Variants in QTMAN observed in about 807,000 individuals in gnomAD.
The protein encoded by QTMAN is queuosine-tRNA mannosyltransferase.
chr2:144,181,283 ATAAAT>A, the QTMAN span, among the ~76,000 whole-genome samples: 1 of 152,234 alleles, frequency 6.6e-6, no homozygotes, highest in African/African-American at 2.4e-5. Flanking sequence ...GAATTATTTA[ATAAAT>A]TAAAGACAAC....
the QTMAN span, among the ~76,000 whole-genome samples, chr2:144,061,295 T>C: frequency 6.6e-6 from 1 of 152,218 alleles, no homozygotes; most frequent in Non-Finnish European, 1.5e-5. Context: ...TTTCCATCAA[T>C]GTATGAAAAT....
chr2:144,316,171 T>C, the QTMAN span, among the ~76,000 whole-genome samples: 8 of 152,002 alleles, frequency 5.3e-5, no homozygotes, highest in African/African-American at 1.7e-4. Flanking sequence ...AGCTCAGAGG[T>C]TGAGGCTGCA....
chr2:144,188,386 G>T, the QTMAN span, among the ~76,000 whole-genome samples: 1 of 152,056 alleles, frequency 6.6e-6, no homozygotes, highest in East Asian at 1.9e-4. Flanking sequence ...TTTGAAAATA[G>T]AGAAACCAAC....
At chr2:144,202,709 T>C in the QTMAN span, among the ~76,000 whole-genome samples, 3 of 152,196 alleles carry the variant, frequency 2.0e-5, no homozygotes, top group Non-Finnish European at 4.4e-5. Context: ...CAGCTTGTCT[T>C]TTAAAACACA....
the QTMAN span, among the ~76,000 whole-genome samples, chr2:144,014,131 G>A: frequency 0.045 from 6,800 of 152,134 alleles, 254 homozygotes; most frequent in East Asian, 0.17. Flanking sequence ...TTGGCTGGTC[G>A]GCTGCAGTAT....
At chr2:144,057,825 C>A in the QTMAN span, among the ~76,000 whole-genome samples, 1 of 152,114 alleles carries the variant, frequency 6.6e-6, no homozygotes, top group East Asian at 1.9e-4. Flanking sequence ...TAACCAGGAT[C>A]CAGGGTTTAG....
the QTMAN span, among the ~76,000 whole-genome samples, chr2:144,089,975 C>T: frequency 2.0e-5 from 3 of 151,882 alleles, no homozygotes; most frequent in East Asian, 3.9e-4. Context: ...ACATATACCC[C>T]GTAAATTTGT....
the QTMAN span, among the ~76,000 whole-genome samples, chr2:143,949,507 C>G: frequency 6.6e-6 from 1 of 151,328 alleles, no homozygotes; most frequent in East Asian, 1.9e-4. Flanking sequence ...AAACTTTTAA[C>G]AACAAAAAAA....
At chr2:144,001,890 T>C in the QTMAN span, among the ~76,000 whole-genome samples, 7 of 151,930 alleles carry the variant, frequency 4.6e-5, no homozygotes, top group Admixed American at 6.6e-5. Context: ...GCAATTCCAA[T>C]GGCTGGTGGC....
At chr2:144,287,046 A>C in the QTMAN span, among the ~76,000 whole-genome samples, 2 of 152,234 alleles carry the variant, frequency 1.3e-5, no homozygotes, top group African/African-American at 4.8e-5. Flanking sequence ...GAAAAACTGA[A>C]AATAGTTCAC....
At chr2:144,008,951 A>C in the QTMAN span, among the ~76,000 whole-genome samples, 1 of 151,954 alleles carries the variant, frequency 6.6e-6, no homozygotes, top group Non-Finnish European at 1.5e-5. Context: ...AGAGGCAGAG[A>C]AAAGGAGGTA....
the QTMAN span, chr2:144,128,000 G>C: frequency 9.9e-5 from 15 of 152,178 alleles, no homozygotes; most frequent in African/African-American, 3.6e-4. Flanking sequence ...GGATTCACCT[G>C]ATAGCCACAG....
At chr2:143,983,405 AG>A in the QTMAN span, among the ~76,000 whole-genome samples, 1 of 151,994 alleles carries the variant, frequency 6.6e-6, no homozygotes, top group Non-Finnish European at 1.5e-5. Flanking sequence ...CTGGTTAAAA[AG>A]TAAAGTTTGC....
the QTMAN span, among the ~76,000 whole-genome samples, chr2:144,296,542 ACAAT>A: frequency 6.6e-6 from 1 of 152,218 alleles, no homozygotes; most frequent in African/African-American, 2.4e-5. Flanking sequence ...CCACACAAAA[ACAAT>A]CACTTACAGC....
At chr2:144,009,402 T>A in the QTMAN span, among the ~76,000 whole-genome samples, 6 of 152,034 alleles carry the variant, frequency 3.9e-5, no homozygotes, top group African/African-American at 1.2e-4. Context: ...CAAGGGCTGA[T>A]AGGCAACACT....
At chr2:144,235,410 T>C in the QTMAN span, among the ~76,000 whole-genome samples, 4 of 151,984 alleles carry the variant, frequency 2.6e-5, no homozygotes, top group African/African-American at 7.2e-5. Flanking sequence ...CTCCAAAGAA[T>C]ATACATTAAA....
chr2:143,993,133 T>C, the QTMAN span, among the ~76,000 whole-genome samples: 3 of 152,218 alleles, frequency 2.0e-5, no homozygotes, highest in African/African-American at 7.2e-5. Context: ...ATAACATTTA[T>C]CACGGCAAAT....
chr2:144,180,322 A>C, the QTMAN span, among the ~76,000 whole-genome samples: 3 of 151,850 alleles, frequency 2.0e-5, no homozygotes, highest in Non-Finnish European at 4.4e-5. Context: ...ATTTTTTGGG[A>C]GTGGTTGTAA....
chr2:144,279,389 A>G, the QTMAN span, among the ~76,000 whole-genome samples: 2 of 151,874 alleles, frequency 1.3e-5, no homozygotes, highest in Non-Finnish European at 2.9e-5. Context: ...AAAAAAAAAA[A>G]AAGAGCTACA....
Sources: gnomAD v4.1 joint callset for allele counts (sites outside exome capture counted in the v4.1 genomes callset) on GRCh38, gnomAD v4.1.1 for gene constraint, MANE v1.5 for transcripts, NCBI Gene and HGNC (gene_info 2026-07-23, HGNC 2026-07-21) for gene names.